The following PDZD8 variants were observed in gnomAD, a reference collection of about 807,000 sequenced individuals.
PDZD8 encodes PDZ domain-containing protein 8.
Under a neutral mutation model 85.8 loss-of-function variants are expected in PDZD8, and 14 were observed. The observed-to-expected ratio is 0.16, with a 90% CI of 0.11 to 0.26. The LOEUF is 0.26. PDZD8 is among the 10% of genes least tolerant of loss of function. The pLI is 1.00. For missense variants in PDZD8, 1,197 were observed against 1,424.3 expected, an observed-to-expected ratio of 0.84 and a Z score of 2.57; for synonymous variants, 592 against 568.6, an observed-to-expected ratio of 1.04 and a Z score of -0.59.
chr10:117,339,519 C>T (rs1335671439), intron 2 of PDZD8, among the ~76,000 whole-genome samples: 1 of 152,210 alleles, frequency 6.6e-6, no homozygotes, highest in Non-Finnish European at 1.5e-5. Context: ...GGTCTAAATT[C>T]AGTCCACTGC....
chr10:117,341,476 C>T (rs1352749992), intron 1 of PDZD8, among the ~76,000 whole-genome samples: 1 of 152,166 alleles, frequency 6.6e-6, no homozygotes, highest in Non-Finnish European at 1.5e-5. Context: ...AAATAATATA[C>T]AGTCCCCTTG....
At chr10:117,318,026 T>C (rs1404486046) in intron 3 of PDZD8, among the ~76,000 whole-genome samples, 2 of 152,168 alleles carry the variant, frequency 1.3e-5, no homozygotes, top group Non-Finnish European at 2.9e-5. Context: ...AGTTAATACA[T>C]AAATAAATCA....
chr10:117,365,686 T>C (rs1845075905), intron 1 of PDZD8, among the ~76,000 whole-genome samples: 1 of 152,226 alleles, frequency 6.6e-6, no homozygotes, highest in Non-Finnish European at 1.5e-5. Context: ...TACAGTTTTA[T>C]GCCAGTCTTA....
At position 117,278,491 on chromosome 10, in the gene PDZD8, C is replaced by A. The variant is rs1174299449; in HGVS notation, c.*4777G>T. The A allele has an allele frequency of 6.6e-6, 1 of 152,174 alleles. No homozygotes were observed. Among genetic ancestry groups the A allele is most frequent in the East Asian group, 1.9e-4 (1 of 5,198 alleles). The allele number at this position is 152,174 out of a possible 1,614,324, so 9.4% of individuals were successfully genotyped here. ...ACATTGATGTGCCTTTTCAGTGTAA[C>A]AGCAAATACTGTTAGTGAACATTGT... On this transcript the variant is annotated 3_prime_UTR_variant, in exon 5 of 5. Transcript: ENST00000334464.
Position 117,279,326 on chromosome 10 carries a change from G to A in PDZD8, c.*3942C>T, listed in dbSNP as rs902383202. On this transcript the variant is annotated 3_prime_UTR_variant, in exon 5 of 5. Transcript: ENST00000334464. ...TTTTATGTTTGGACCTGGTAATACA[G>A]ATACAAAAACTTTAATGAGGTAGCA... 1.3e-5 allele frequency: 2 copies of A among 152,106 alleles called. No homozygotes were observed. The highest frequency in any genetic ancestry group is 4.8e-5 in the African/African-American group (2 of 41,420). The allele number at this position is 152,106 out of a possible 1,614,324, so 9.4% of individuals were successfully genotyped here.
intron 3 of PDZD8, among the ~76,000 whole-genome samples, chr10:117,313,904 A>C (rs909458046): frequency 2.0e-5 from 3 of 152,156 alleles, no homozygotes; most frequent in Admixed American, 1.3e-4. Flanking sequence ...CGTATTTTGA[A>C]GGCCCTTGTA....
At chr10:117,357,443 G>T (rs1844914961) in intron 1 of PDZD8, among the ~76,000 whole-genome samples, 1 of 151,058 alleles carries the variant, frequency 6.6e-6, no homozygotes, top group South Asian at 2.1e-4. Flanking sequence ...TCACTGCTAT[G>T]TAAAACAAAC....
intron 2 of PDZD8, among the ~76,000 whole-genome samples, chr10:117,336,085 C>A (rs916553130): frequency 6.6e-6 from 1 of 152,126 alleles, no homozygotes; most frequent in Non-Finnish European, 1.5e-5. Context: ...AGTCTAAACA[C>A]AAAATTAATT....
chr10:117,298,584 AT>A (rs1843794265), intron 3 of PDZD8, among the ~76,000 whole-genome samples: 1 of 152,034 alleles, frequency 6.6e-6, no homozygotes, highest in Non-Finnish European at 1.5e-5. Flanking sequence ...TATATTTCTT[AT>A]TTATCAACTA....
chr10:117,319,390 T>C (rs966029310), intron 2 of PDZD8, among the ~76,000 whole-genome samples: 1 of 84,614 alleles, frequency 1.2e-5, no homozygotes, highest in Admixed American at 1.8e-4. Context: ...TAATTGCTCA[T>C]AAACACACAC....
At chr10:117,294,339 A>AAAC (rs1843718681) in intron 3 of PDZD8, among the ~76,000 whole-genome samples, 1 of 105,044 alleles carries the variant, frequency 9.5e-6, no homozygotes. Context: ...AAAAAAAAAA[A>AAAC]AAAAAACAAA....
chr10:117,318,653 C>T (rs1409944967), intron 3 of PDZD8, among the ~76,000 whole-genome samples: 3 of 152,118 alleles, frequency 2.0e-5, no homozygotes, highest in Non-Finnish European at 4.4e-5. Flanking sequence ...GAAAGCTAGT[C>T]GGACTAGGTT....
chr10:117,374,824 G>A lies in PDZD8; in HGVS notation c.404C>T (p.Thr135Met). Residue 135 changes from threonine to methionine, a missense_variant, in exon 1 of 5, where the codon ACG becomes ATG. By Grantham distance (81) the Thr-to-Met change is moderately conservative (BLOSUM62 -1). This residue lies in a region of PDZD8 where 344 missense variants were observed against 453.6 expected (regional missense o/e 0.76). Coordinates refer to ENST00000334464, the MANE Select transcript of PDZD8 (RefSeq NM_173791.5). This position sits in a 1 kb window ranked among gnomAD's most constrained non-coding sequence, Gnocchi z 7.8. ...CAGCCCCTCCAGCAGGCGCCCGGCC[G>A]TCTTGGTCTGCAGCAGCTCCTCGAA... ...VEFEELLQTK[T>M]AGRLLEGLSL... 1.2e-6 allele frequency: 2 copies of A among 1,613,436 alleles called. No individual in the cohort carries two copies. The highest frequency in any genetic ancestry group is 1.7e-6 in the Non-Finnish European group (2 of 1,179,912).
At chr10:117,332,261 G>C (rs1844430673) in intron 2 of PDZD8, among the ~76,000 whole-genome samples, 1 of 151,924 alleles carries the variant, frequency 6.6e-6, no homozygotes, top group Non-Finnish European at 1.5e-5. Context: ...TTATGCCTGA[G>C]CTAATTTCCT....
chr10:117,346,539 G>T (rs989204020), intron 1 of PDZD8, among the ~76,000 whole-genome samples: 1 of 151,712 alleles, frequency 6.6e-6, no homozygotes, highest in African/African-American at 2.4e-5. Flanking sequence ...AAGAAAGGGT[G>T]AAAGTTCTCG....
At position 117,375,135 on chromosome 10, in the gene PDZD8, G is replaced by C. The variant is rs776402309; in HGVS notation, c.93C>G (p.Pro31=). The C allele has an allele frequency of 3.8e-5, 61 of 1,590,138 alleles. No individual in the cohort carries two copies. The highest frequency in any genetic ancestry group is 1.0e-4 in the Admixed American group (6 of 58,736). The stretch of plus-strand genomic sequence containing the variant: ...GGGCGGCCTCGTCCGCCGGCGGCTC[G>C]GGCTGTCTGCGGTACAGCAGGAAGA... The part of the protein sequence containing the change: ...AQFFLLYRRQ[P]EPPADEAARA... The change falls in exon 1 of 5, where the codon CCC becomes CCG. Residue 31 remains proline (P), a synonymous_variant. Coordinates refer to ENST00000334464, the MANE Select transcript of PDZD8 (RefSeq NM_173791.5).
chr10:117,351,511 G>A (rs938277894), intron 1 of PDZD8, among the ~76,000 whole-genome samples: 1 of 152,132 alleles, frequency 6.6e-6, no homozygotes, highest in Non-Finnish European at 1.5e-5. Flanking sequence ...GGAGAGGAAG[G>A]TAGTGACTAG....
chr10:117,365,730 G>T (rs1440283447), intron 1 of PDZD8, among the ~76,000 whole-genome samples: 3 of 152,182 alleles, frequency 2.0e-5, no homozygotes, highest in African/African-American at 7.2e-5. Context: ...AAACTACTCT[G>T]TAAAACACCT....
intron 2 of PDZD8, among the ~76,000 whole-genome samples, chr10:117,326,779 T>C (rs771615861): frequency 6.6e-6 from 1 of 152,200 alleles, no homozygotes; most frequent in Non-Finnish European, 1.5e-5. Flanking sequence ...ATAATAGAAT[T>C]TCTACCTACT....
Sources: gnomAD v4.1 joint callset for allele counts (sites outside exome capture counted in the v4.1 genomes callset) on GRCh38, gnomAD v4.1.1 for gene constraint, gnomAD v4.1.1 regional missense constraint, Gnocchi (gnomAD v3.1) non-coding constraint, MANE v1.5 for transcripts, NCBI Gene and HGNC (gene_info 2026-07-23, HGNC 2026-07-21) for gene names.